DNAI2: variants seen among roughly 807,000 people sequenced by gnomAD.
The protein encoded by DNAI2 is dynein axonemal intermediate chain 2.
In DNAI2, 63 loss-of-function variants were observed where a neutral mutation model predicts 74.7. That is an observed-to-expected ratio of 0.84 (90% CI 0.69 to 1.04). The LOEUF (loss-of-function observed/expected upper bound fraction) is 1.04. Ranked by LOEUF, DNAI2 falls within the 50% of genes least tolerant of loss-of-function variation. DNAI2 has a pLI of 0.00. For missense variants in DNAI2, 688 were observed against 803.2 expected (o/e 0.86, Z 1.73); for synonymous variants, 289 against 314.9 (o/e 0.92, Z 0.87).
At position 74,288,818 on chromosome 17, in the gene DNAI2, C is replaced by T. The variant is rs76621464; in HGVS notation, c.468-776C>T. Among the ~76,000 whole-genome samples the T allele has an allele frequency of 9.0e-3, 1,370 of 152,156 alleles. 12 individuals carry two copies. The highest frequency in any genetic ancestry group is 0.021 in the Middle Eastern group (6 of 292). On this transcript the variant is annotated intron_variant, in intron 4 of 13. Transcript: ENST00000311014. ...ACCATGAAGAAAAAAGCAAGGCCGTCCAATCAGATGAGTGGAGATGAGCAG... is the reference window on the plus strand; with the variant it reads ...ACCATGAAGAAAAAAGCAAGGCCGTTCAATCAGATGAGTGGAGATGAGCAG...
chr17:74,293,662 C>A (rs934999024), intron 6 of DNAI2, among the ~76,000 whole-genome samples: 1 of 151,794 alleles, frequency 6.6e-6, no homozygotes, highest in Admixed American at 6.6e-5. Flanking sequence ...CGAGATCATG[C>A]CACTGAACTC....
chr17:74,297,261 A>AT (rs527624967), intron 6 of DNAI2, among the ~76,000 whole-genome samples: 105 of 135,384 alleles, frequency 7.8e-4, no homozygotes, highest in Middle Eastern at 4.5e-3. Context: ...AATGTTTTGT[A>AT]TTTTTTTTTT....
At position 74,301,196 on chromosome 17, in the gene DNAI2, G is replaced by A. The variant is rs753506134; in HGVS notation, c.987+28G>A. Reference sequence around the variant, plus strand: ...GAGTGTCCCTTGCTGTCCCTTCCCCGACTTGCATTGACAGGGCAGCCAGGG... The same window carrying A: ...GAGTGTCCCTTGCTGTCCCTTCCCCAACTTGCATTGACAGGGCAGCCAGGG... On this transcript the variant is annotated intron_variant, in intron 8 of 13. Coordinates refer to ENST00000311014, the MANE Select transcript of DNAI2 (RefSeq NM_023036.6). 1.7e-5 allele frequency: 27 copies of A among 1,612,056 alleles called. No individual in the cohort carries two copies. In the Admixed American group the frequency reaches 2.3e-4, roughly 14 times the overall value.
chr17:74,285,966 T>G (rs1355642340), intron 3 of DNAI2, among the ~76,000 whole-genome samples: 1 of 138,388 alleles, frequency 7.2e-6, no homozygotes, highest in South Asian at 2.4e-4. Context: ...CACATATATA[T>G]ATATAGAGAG....
chr17:74,287,723 G>C (rs1226019294), intron 4 of DNAI2, among the ~76,000 whole-genome samples: 1 of 152,222 alleles, frequency 6.6e-6, no homozygotes, highest in Admixed American at 6.5e-5. Flanking sequence ...GGGAGGCCAA[G>C]GCGGGTGCAT....
Position 74,300,924 on chromosome 17 carries a change from C to G in DNAI2, c.865-122C>G. On this transcript the variant is annotated intron_variant, in intron 7 of 13. Transcript: ENST00000311014. This position sits in a 1 kb window ranked among gnomAD's most constrained non-coding sequence, Gnocchi z 4.5. The stretch of plus-strand genomic sequence containing the variant: ...AAGTGTATTTGCTCCCACGAATTGC[C>G]GGGAGCTCCATCCTTTGTGGCCCAG... The G allele has an allele frequency of 7.3e-7, 1 of 1,369,920 alleles. No individual in the cohort carries two copies. Among genetic ancestry groups the G allele is most frequent in the South Asian group, 1.2e-5 (1 of 85,790 alleles). The allele number at this position is 1,369,920 out of a possible 1,614,324, so 84.9% of individuals were successfully genotyped here. A position where few individuals can be genotyped will look rare whatever the true frequency, so the allele number is the denominator to read the frequency against.
intron 6 of DNAI2, among the ~76,000 whole-genome samples, chr17:74,297,259 G>A (rs2052500269): frequency 1.3e-5 from 2 of 149,954 alleles, no homozygotes; most frequent in South Asian, 4.2e-4. Flanking sequence ...CTAATGTTTT[G>A]TATTTTTTTT....
At chr17:74,293,484 T>C (rs1417940199) in intron 6 of DNAI2, among the ~76,000 whole-genome samples, 2 of 152,030 alleles carry the variant, frequency 1.3e-5, no homozygotes, top group Non-Finnish European at 2.9e-5. Context: ...TTGGTTACCA[T>C]TTGCATGGTA....
At chr17:74,303,836 A>T (rs1448134665) in intron 8 of DNAI2, among the ~76,000 whole-genome samples, 2 of 152,172 alleles carry the variant, frequency 1.3e-5, no homozygotes, top group Non-Finnish European at 2.9e-5. Context: ...AAAATAAAAA[A>T]GCTGGGGGGC....
intron 8 of DNAI2, among the ~76,000 whole-genome samples, chr17:74,304,185 T>G (rs867180068): frequency 7.6e-6 from 1 of 131,166 alleles, no homozygotes; most frequent in Non-Finnish European, 1.6e-5. Context: ...TTTTCTTTTT[T>G]CTTTTTTTTT....
intron 10 of DNAI2, 190 bp downstream of exon 10, chr17:74,309,578 G>A (rs1202859704): frequency 2.4e-6 from 2 of 818,610 alleles, no homozygotes; most frequent in African/African-American, 1.7e-5. Context: ...AGGTTAAGGG[G>A]CCTGGGGGAT....
chr17:74,286,146 A>G (rs945382415), intron 3 of DNAI2, among the ~76,000 whole-genome samples: 2 of 151,322 alleles, frequency 1.3e-5, no homozygotes, highest in African/African-American at 2.4e-5. Flanking sequence ...AAATACAAAA[A>G]TTAGCCAGGT....
chr17:74,309,886 C>A, intron 10 of DNAI2, 131 bp from the exon 11 acceptor site: 1 of 1,227,958 alleles, frequency 8.1e-7, no homozygotes, highest in Non-Finnish European at 1.2e-6. Context: ...GAACTTCATC[C>A]TGTGGGCAGA....
intron 9 of DNAI2, among the ~76,000 whole-genome samples, chr17:74,308,314 A>G (rs1433770857): frequency 6.6e-6 from 1 of 152,178 alleles, no homozygotes; most frequent in Non-Finnish European, 1.5e-5. Flanking sequence ...TCTTCACTGA[A>G]GAAACTCTTG....
At chr17:74,312,433 C>T (rs906495197) in intron 12 of DNAI2, among the ~76,000 whole-genome samples, 1 of 152,140 alleles carries the variant, frequency 6.6e-6, no homozygotes, top group African/African-American at 2.4e-5. Flanking sequence ...CTTCAGGCTC[C>T]TTACAGGCAG....
chr17:74,285,668 G>C (rs140132848), intron 3 of DNAI2, among the ~76,000 whole-genome samples: 11 of 152,172 alleles, frequency 7.2e-5, no homozygotes, highest in African/African-American at 2.6e-4. Context: ...TATACATCCT[G>C]TCCCAAAGAG....
intron 11 of DNAI2, among the ~76,000 whole-genome samples, chr17:74,310,514 A>G (rs1361667733): frequency 6.7e-6 from 1 of 150,314 alleles, no homozygotes; most frequent in Non-Finnish European, 1.5e-5. Flanking sequence ...ATTATATTAT[A>G]TTGTATTTTA....
chr17:74,278,867 C>G (rs2051237366), intron 1 of DNAI2, among the ~76,000 whole-genome samples: 1 of 152,170 alleles, frequency 6.6e-6, no homozygotes, highest in Non-Finnish European at 1.5e-5. Context: ...CTTAATTGTA[C>G]ATTTAAAAAT....
intron 4 of DNAI2, 40 bp from the exon 5 acceptor site, chr17:74,289,554 C>G: frequency 1.2e-6 from 2 of 1,611,842 alleles, no homozygotes; most frequent in Non-Finnish European, 1.7e-6. Flanking sequence ...ATTGGGGAAC[C>G]TCACATCCAG....
Sources: allele counts gnomAD v4.1 joint callset (sites outside exome capture counted in the v4.1 genomes callset), GRCh38; gene constraint gnomAD v4.1.1; non-coding constraint Gnocchi (gnomAD v3.1); transcripts MANE v1.5; gene names NCBI Gene and HGNC (gene_info 2026-07-23, HGNC 2026-07-21).